The following SAMMSON variants were observed in gnomAD, a reference collection of about 807,000 sequenced individuals.
SAMMSON encodes the protein survival associated mitochondrial melanoma specific oncogenic non-coding RNA.
chr3:70,216,529 A>G (rs1478301429), intron 4 of SAMMSON, among the ~76,000 whole-genome samples: 1 of 152,092 alleles, frequency 6.6e-6, no homozygotes, highest in Non-Finnish European at 1.5e-5. Context: ...TGGAGCTAGA[A>G]TTTTAACTAA....
At chr3:70,277,613 A>C (rs1702040057) in intron 6 of SAMMSON, among the ~76,000 whole-genome samples, 1 of 152,162 alleles carries the variant, frequency 6.6e-6, no homozygotes, top group Non-Finnish European at 1.5e-5. Context: ...CATACTTCAA[A>C]ACTGCTACTT....
chr3:70,020,883 G>A (rs1471021279), intron 3 of SAMMSON, among the ~76,000 whole-genome samples: 1 of 152,048 alleles, frequency 6.6e-6, no homozygotes, highest in Non-Finnish European at 1.5e-5. Context: ...TAGCAATGAA[G>A]GAATGAGATT....
chr3:70,256,660 C>G (rs975928871), intron 6 of SAMMSON, among the ~76,000 whole-genome samples: 22 of 152,150 alleles, frequency 1.4e-4, no homozygotes, highest in African/African-American at 5.3e-4. Flanking sequence ...TGAGATGCGT[C>G]CCTCCTTCCC....
intron 6 of SAMMSON, among the ~76,000 whole-genome samples, chr3:70,289,465 C>G (rs1451410771): frequency 6.7e-6 from 1 of 149,382 alleles, no homozygotes; most frequent in Non-Finnish European, 1.5e-5. Flanking sequence ...GAGGGTAACC[C>G]AACCTTTCTC....
At chr3:70,363,390 C>G in intron 9 of SAMMSON, among the ~76,000 whole-genome samples, 1 of 151,874 alleles carries the variant, frequency 6.6e-6, no homozygotes, top group African/African-American at 2.4e-5. Flanking sequence ...GTAAATTGGT[C>G]CCCTTCGCTG....
chr3:70,409,773 A>G (rs1701203804), intron 2 of SAMMSON, among the ~76,000 whole-genome samples: 1 of 152,188 alleles, frequency 6.6e-6, no homozygotes. Context: ...AAAGTCTCAG[A>G]GTGCAAGATA....
intron 7 of SAMMSON, among the ~76,000 whole-genome samples, chr3:70,347,104 C>G (rs1008762481): frequency 6.6e-6 from 1 of 152,208 alleles, no homozygotes; most frequent in African/African-American, 2.4e-5. Flanking sequence ...TCCACAAACA[C>G]TGACCTGCAA....
At chr3:70,431,573 A>G (rs1365991228) in intron 2 of SAMMSON, among the ~76,000 whole-genome samples, 1 of 152,112 alleles carries the variant, frequency 6.6e-6, no homozygotes, top group Admixed American at 6.5e-5. Flanking sequence ...GAATTTATGT[A>G]AATATATTTT....
At chr3:70,330,392 A>G (rs1422062030) in intron 7 of SAMMSON, among the ~76,000 whole-genome samples, 2 of 152,046 alleles carry the variant, frequency 1.3e-5, no homozygotes, top group Non-Finnish European at 2.9e-5. Context: ...TACTAATATT[A>G]AATGGCATAT....
In SAMMSON at chr3:70,138,095, G is replaced by T. The variant is rs541488035; in HGVS notation, n.507+66530G>T. The stretch of plus-strand genomic sequence containing the variant: ...GCACTATTAATTTTAATAGATACAA[G>T]AAATTTGTTTTGGGAATGAGATTCA... On this transcript the variant is annotated intron_variant and non_coding_transcript_variant, in intron 4 of 9. Transcript: ENST00000642114. Among the ~76,000 whole-genome samples the T allele has an allele frequency of 2.0e-5, 3 of 152,266 alleles. No homozygotes were observed. In the South Asian group the frequency reaches 6.2e-4, roughly 32 times the overall value.
intron 6 of SAMMSON, among the ~76,000 whole-genome samples, chr3:70,280,249 T>G (rs1463394461): frequency 6.6e-6 from 1 of 152,150 alleles, no homozygotes; most frequent in Non-Finnish European, 1.5e-5. Context: ...AAAAAGATGT[T>G]TGTGATTAAA....
At position 70,311,339 on chromosome 3, in the gene SAMMSON, C is replaced by T. The variant is rs754491559; in HGVS notation, n.739+20096C>T. ...AGGTTTAGCTGTATTTTCAAAAGTG[C>T]GCAAATCTGTACTCATTAGGAGAAC... On this transcript the variant is annotated intron_variant and non_coding_transcript_variant, in intron 7 of 9. Transcript: ENST00000642114. Among the ~76,000 whole-genome samples the T allele has an allele frequency of 1.2e-4, 19 of 152,196 alleles. No individual in the cohort carries two copies. In the Middle Eastern group the frequency reaches 0.01, roughly 82 times the overall value.
At chr3:70,162,867 A>T (rs1258645724) in intron 4 of SAMMSON, among the ~76,000 whole-genome samples, 2 of 151,870 alleles carry the variant, frequency 1.3e-5, no homozygotes, top group Non-Finnish European at 2.9e-5. Flanking sequence ...TGTTGAATTG[A>T]TTAGTTTATC....
chr3:70,009,671 C>T (rs1316996728), intron 1 of SAMMSON, among the ~76,000 whole-genome samples: 1 of 150,962 alleles, frequency 6.6e-6, no homozygotes, highest in African/African-American at 2.5e-5. Context: ...TATTTCTTGC[C>T]TTCTGCTAGC....
At chr3:70,244,761 C>T (rs1004271894) in intron 4 of SAMMSON, among the ~76,000 whole-genome samples, 4 of 152,194 alleles carry the variant, frequency 2.6e-5, no homozygotes, top group African/African-American at 9.7e-5. Context: ...ATATTTTGTG[C>T]ATGTGTGTGC....
intron 9 of SAMMSON, among the ~76,000 whole-genome samples, chr3:70,365,478 A>G (rs1454273127): frequency 2.6e-5 from 4 of 151,780 alleles, no homozygotes; most frequent in African/African-American, 9.7e-5. Flanking sequence ...CTAATGTACC[A>G]AACTCTAATG....
intron 7 of SAMMSON, among the ~76,000 whole-genome samples, chr3:70,303,990 T>C (rs1243800588): frequency 6.6e-6 from 1 of 152,164 alleles, no homozygotes; most frequent in Non-Finnish European, 1.5e-5. Context: ...GCCTGATAGT[T>C]CTTTAGAGAA....
chr3:70,088,335 G>T (rs935542301), intron 4 of SAMMSON, among the ~76,000 whole-genome samples: 1 of 152,132 alleles, frequency 6.6e-6, no homozygotes, highest in African/African-American at 2.4e-5. Flanking sequence ...TAGGTTAGTC[G>T]TACTAACTAA....
At chr3:70,310,273 C>T (rs537117314) in intron 7 of SAMMSON, among the ~76,000 whole-genome samples, 56 of 152,088 alleles carry the variant, frequency 3.7e-4, no homozygotes, top group African/African-American at 1.2e-3. Flanking sequence ...AGATAATGTC[C>T]TACTATTAAA....
Sources: gnomAD v4.1 joint callset for allele counts (sites outside exome capture counted in the v4.1 genomes callset) on GRCh38, gnomAD v4.1.1 for gene constraint, MANE v1.5 for transcripts, NCBI Gene and HGNC (gene_info 2026-07-23, HGNC 2026-07-21) for gene names.